HACD1: variants seen among roughly 807,000 people sequenced by gnomAD.
HACD1 encodes 3-hydroxyacyl-CoA dehydratase 1.
In HACD1, 41 loss-of-function variants were observed where a neutral mutation model predicts 32.0. The observed-to-expected ratio is 1.28, with a 90% CI of 1.00 to 1.66. The LOEUF (loss-of-function observed/expected upper bound fraction) is 1.66. Among genes scored for constraint, HACD1 ranks in the 40% most tolerant of loss-of-function variants. The pLI is 0.00. For missense variants in HACD1, 396 were observed against 380.1 expected (o/e 1.04, Z -0.35); for synonymous variants, 142 against 139.0 (o/e 1.02, Z -0.15).
At chr10:17,598,704 A>G (rs1345485713) in intron 5 of HACD1, among the ~76,000 whole-genome samples, 1 of 152,222 alleles carries the variant, frequency 6.6e-6, no homozygotes, top group East Asian at 1.9e-4. Flanking sequence ...TAAAACGTCA[A>G]TTGCTCAAAG....
At chr10:17,600,249 A>T (rs1834050328) in intron 4 of HACD1, among the ~76,000 whole-genome samples, 1 of 152,180 alleles carries the variant, frequency 6.6e-6, no homozygotes, top group South Asian at 2.1e-4. Flanking sequence ...TTCAGCTAAA[A>T]CATCTCGCCC....
chr10:17,593,467 C>T (rs1833955306), intron 6 of HACD1, among the ~76,000 whole-genome samples: 1 of 152,122 alleles, frequency 6.6e-6, no homozygotes, highest in Admixed American at 6.6e-5. Context: ...AGGCATGCGC[C>T]ACCATGCCCA....
chr10:17,604,841 G>A (rs1469226647), intron 1 of HACD1, among the ~76,000 whole-genome samples: 2 of 152,068 alleles, frequency 1.3e-5, no homozygotes, highest in East Asian at 3.9e-4. Context: ...CCATAGCTGG[G>A]TCTACAGGTG....
At chr10:17,603,882 T>A in intron 2 of HACD1, 48 bp downstream of exon 2, 1 of 1,514,088 alleles carries the variant, frequency 6.6e-7, no homozygotes, top group South Asian at 1.2e-5. Flanking sequence ...CAAAAAATGT[T>A]CACATAAATA....
chr10:17,603,997 GT>G lies in HACD1; in HGVS notation c.307del (p.Thr103HisfsTer24). On this transcript the variant is annotated frameshift_variant, in exon 2 of 7. Transcript: ENST00000361271. LOFTEE classifies it high-confidence loss of function. The part of the protein sequence containing the change: ...AMVRFYMEKG[T>X]HRGLYKSIQK... ...AATACTTTTATATAAACCTCTGTGT[GT>G]TCCTTTTTCCATATAAAAACGTACC... is the stretch of plus-strand genomic sequence containing the variant. 1 of 1,606,262 alleles carries G rather than the reference GT, an allele frequency of 6.2e-7. No homozygotes were observed.
intron 1 of HACD1, among the ~76,000 whole-genome samples, chr10:17,614,412 A>T (rs1554817794): frequency 6.6e-6 from 1 of 152,142 alleles, no homozygotes; most frequent in Non-Finnish European, 1.5e-5. Flanking sequence ...CTGTGCCACC[A>T]TGCCCGGCTA....
intron 4 of HACD1, among the ~76,000 whole-genome samples, chr10:17,599,870 T>G (rs1187975095): frequency 6.6e-6 from 1 of 152,194 alleles, no homozygotes; most frequent in Non-Finnish European, 1.5e-5. Flanking sequence ...CTTTCCTCCC[T>G]TTATTGTCCT....
chr10:17,607,919 T>C (rs534038826), intron 1 of HACD1, among the ~76,000 whole-genome samples: 1 of 152,338 alleles, frequency 6.6e-6, no homozygotes, highest in South Asian at 2.1e-4. Flanking sequence ...AAGGGTCCTA[T>C]ATTGAACTAG....
At position 17,604,060 on chromosome 10, in the gene HACD1, AGTATTTC is replaced by A; in HGVS notation, c.258-20_258-14del. The stretch of plus-strand genomic sequence containing the variant: ...TAGAACCAACCACCTAAAAAAAAAA[AGTATTTC>A]ATAAAGTTCTTTCGAACTTAATACC... On this transcript the variant is annotated splice_polypyrimidine_tract_variant and intron_variant, in intron 1 of 6. Coordinates refer to ENST00000361271, the MANE Select transcript of HACD1 (RefSeq NM_014241.4). 6.8e-7 allele frequency: 1 copy of A among 1,466,930 alleles called. No individual in the cohort carries two copies. The highest frequency in any genetic ancestry group is 9.3e-7 in the Non-Finnish European group (1 of 1,074,786). The allele number at this position is 1,466,930 out of a possible 1,614,324, so 90.9% of individuals were successfully genotyped here. A position where few individuals can be genotyped will look rare whatever the true frequency, so the allele number is the denominator to read the frequency against.
chr10:17,590,976 A>G (rs1203917591), intron 6 of HACD1, among the ~76,000 whole-genome samples: 6 of 152,084 alleles, frequency 3.9e-5, no homozygotes, highest in Non-Finnish European at 7.4e-5. Flanking sequence ...CGCCCGGCCT[A>G]TTTTTGCTTG....
intron 5 of HACD1, among the ~76,000 whole-genome samples, chr10:17,598,226 C>T (rs1834020554): frequency 7.0e-6 from 1 of 143,112 alleles, no homozygotes; most frequent in Admixed American, 7.2e-5. Flanking sequence ...TGCCACTATC[C>T]TCCAGCCTGG....
intron 2 of HACD1, 91 bp from the exon 3 acceptor site, chr10:17,603,835 G>A (rs1050251201): frequency 1.4e-6 from 2 of 1,471,004 alleles, no homozygotes; most frequent in East Asian, 4.5e-5. Flanking sequence ...ATCCATAGGT[G>A]GTATGTAATC....
intron 4 of HACD1, among the ~76,000 whole-genome samples, chr10:17,602,378 G>C (rs1834083158): frequency 6.6e-6 from 1 of 151,954 alleles, no homozygotes; most frequent in South Asian, 2.1e-4. Context: ...GCCCTGTCAT[G>C]GGTTTAAAAT....
intron 5 of HACD1, among the ~76,000 whole-genome samples, chr10:17,598,632 C>G (rs1422187457): frequency 6.6e-6 from 1 of 152,160 alleles, no homozygotes; most frequent in African/African-American, 2.4e-5. Context: ...ATAAAATGAA[C>G]AAGTCTATAC....
intron 2 of HACD1, 26 bp from the exon 3 acceptor site, chr10:17,603,770 T>C: frequency 1.9e-6 from 3 of 1,584,770 alleles, no homozygotes; most frequent in South Asian, 1.1e-5. Flanking sequence ...AAAAAATCAT[T>C]ACGTCAATAA....
intron 6 of HACD1, 71 bp downstream of exon 6, chr10:17,594,134 C>A: frequency 8.4e-7 from 1 of 1,190,238 alleles, no homozygotes. Context: ...TTTCCCCTTG[C>A]ATATTATTAT....
At chr10:17,614,973 C>A (rs1477973558) in intron 1 of HACD1, among the ~76,000 whole-genome samples, 1 of 152,036 alleles carries the variant, frequency 6.6e-6, no homozygotes, top group Non-Finnish European at 1.5e-5. Flanking sequence ...AAGATGTTCT[C>A]GATCTCCTGA....
chr10:17,613,405 C>G (rs1588995819), intron 1 of HACD1, among the ~76,000 whole-genome samples: 1 of 152,076 alleles, frequency 6.6e-6, no homozygotes, highest in East Asian at 1.9e-4. Flanking sequence ...AGTTCTTGTC[C>G]CGATTTCAAC....
chr10:17,601,986 A>T (rs1460639850), intron 4 of HACD1, among the ~76,000 whole-genome samples: 3 of 151,994 alleles, frequency 2.0e-5, no homozygotes, highest in African/African-American at 7.2e-5. Flanking sequence ...GAGGCCAGAG[A>T]TCTGTCCTCG....
Sources: gnomAD v4.1 joint callset for allele counts (sites outside exome capture counted in the v4.1 genomes callset) on GRCh38, gnomAD v4.1.1 for gene constraint, MANE v1.5 for transcripts, NCBI Gene and HGNC (gene_info 2026-07-23, HGNC 2026-07-21) for gene names.